Variants in PTPRD observed in about 807,000 individuals in gnomAD.
The protein encoded by PTPRD is protein tyrosine phosphatase receptor type D, also known as receptor-type tyrosine-protein phosphatase delta.
In PTPRD, 34 loss-of-function variants were observed where a neutral mutation model predicts 214.5. The ratio of observed to expected loss-of-function variants is 0.16; its 90% CI spans 0.12 to 0.21. The LOEUF (loss-of-function observed/expected upper bound fraction) is 0.21. PTPRD is among the 10% of genes least tolerant of loss of function. PTPRD has a pLI of 1.00. For missense variants in PTPRD, 2,545 were observed against 2,398.7 expected (o/e 1.06, Z -1.27); for synonymous variants, 1,128 against 845.7 (o/e 1.33, Z -5.79).
intron 10 of PTPRD, among the ~76,000 whole-genome samples, chr9:9,134,806 C>CGTGTGTGTGTGTGTGTGT (rs142357379): frequency 2.2e-4 from 33 of 150,674 alleles, no homozygotes; most frequent in African/African-American, 6.3e-4. Flanking sequence ...ATTTGGAGTG[C>CGTGTGTGTGTGTGTGTGT]GTGTGTGTGT....
rs535819067 is a variant in PTPRD, at chr9:10,088,281, A to G, written c.-544-54491T>C. Reference sequence around the variant, plus strand: ...GAAATTTCTTCTTTACCTAAACACCATGGCTTTTCATAGGAAAATGTAATT... The same window carrying G: ...GAAATTTCTTCTTTACCTAAACACCGTGGCTTTTCATAGGAAAATGTAATT... On this transcript the variant is annotated intron_variant, in intron 3 of 45. Transcript: ENST00000381196. Among the ~76,000 whole-genome samples the G allele has an allele frequency of 1.3e-4, 20 of 151,888 alleles. No individual in the cohort carries two copies. The South Asian group carries it at 2.9e-3, about 22-fold the overall frequency.
At chr9:9,468,876 A>T (rs1555445206) in intron 8 of PTPRD, among the ~76,000 whole-genome samples, 1 of 152,116 alleles carries the variant, frequency 6.6e-6, no homozygotes, top group Non-Finnish European at 1.5e-5. Context: ...TAAACCTATG[A>T]TTTTTAATCA....
intron 11 of PTPRD, among the ~76,000 whole-genome samples, chr9:8,788,771 C>G (rs534463004): frequency 6.6e-6 from 1 of 152,056 alleles, no homozygotes; most frequent in South Asian, 2.1e-4. Flanking sequence ...TGCTTCCAAC[C>G]CACTTCCGAA....
intron 7 of PTPRD, among the ~76,000 whole-genome samples, chr9:9,651,551 A>T (rs183531150): frequency 6.6e-6 from 1 of 152,116 alleles, no homozygotes; most frequent in South Asian, 2.1e-4. Context: ...AGCTCCATCC[A>T]TGTCCTGCAA....
At chr9:9,935,789 A>C (rs2089091752) in intron 5 of PTPRD, among the ~76,000 whole-genome samples, 1 of 149,578 alleles carries the variant, frequency 6.7e-6, no homozygotes. Flanking sequence ...AAGCCAAAAG[A>C]ACAAAGCTGG....
chr9:10,040,106 G>A (rs2097268183), intron 3 of PTPRD, among the ~76,000 whole-genome samples: 1 of 152,026 alleles, frequency 6.6e-6, no homozygotes. Flanking sequence ...AGCAAAATCA[G>A]TGTTTGGTAG....
At chr9:8,860,977 A>G (rs904778817) in intron 11 of PTPRD, 1 of 152,162 alleles carries the variant, frequency 6.6e-6, no homozygotes, top group East Asian at 1.9e-4. Context: ...TAAAACTCCA[A>G]ATACTTTTAT....
chr9:8,928,261 T>C (rs1451977994), intron 11 of PTPRD, among the ~76,000 whole-genome samples: 1 of 152,288 alleles, frequency 6.6e-6, no homozygotes, highest in Middle Eastern at 3.4e-3. Flanking sequence ...GATATTTTAG[T>C]CATGAAGTCT....
chr9:8,630,773 C>G (rs2096228670), intron 14 of PTPRD, among the ~76,000 whole-genome samples: 1 of 151,814 alleles, frequency 6.6e-6, no homozygotes, highest in South Asian at 2.1e-4. Flanking sequence ...GATGATGAAA[C>G]TCCAGCCAAC....
At chr9:9,976,027 A>G (rs948584973) in intron 4 of PTPRD, among the ~76,000 whole-genome samples, 5 of 152,174 alleles carry the variant, frequency 3.3e-5, no homozygotes, top group African/African-American at 1.2e-4. Context: ...CTAGAACACC[A>G]GTCTTCAAAT....
At chr9:9,119,828 T>A (rs1041956143) in intron 10 of PTPRD, among the ~76,000 whole-genome samples, 3 of 150,622 alleles carry the variant, frequency 2.0e-5, no homozygotes, top group Non-Finnish European at 4.4e-5. Flanking sequence ...CTTGCCAGAT[T>A]CTGTGATTTT....
At chr9:9,528,230 C>T (rs2074606222) in intron 8 of PTPRD, among the ~76,000 whole-genome samples, 1 of 152,114 alleles carries the variant, frequency 6.6e-6, no homozygotes, top group African/African-American at 2.4e-5. Flanking sequence ...TCTGTGTATT[C>T]ATGAGAGAAA....
intron 9 of PTPRD, among the ~76,000 whole-genome samples, chr9:9,330,611 A>G (rs1186609869): frequency 6.6e-6 from 1 of 152,070 alleles, no homozygotes; most frequent in Admixed American, 6.6e-5. Flanking sequence ...TAAATGTATG[A>G]TGATGCTATT....
chr9:9,482,096 G>A (rs908769100), intron 8 of PTPRD, among the ~76,000 whole-genome samples: 1 of 152,044 alleles, frequency 6.6e-6, no homozygotes, highest in African/African-American at 2.4e-5. Flanking sequence ...TCCCCGAGAA[G>A]ACAGGTAAGG....
intron 2 of PTPRD, among the ~76,000 whole-genome samples, chr9:10,567,360 A>G (rs1455664762): frequency 6.6e-6 from 1 of 150,936 alleles, no homozygotes; most frequent in African/African-American, 2.4e-5. Context: ...GACTATTATT[A>G]GGTAAATACT....
At chr9:10,263,072 T>C (rs2093803006) in intron 3 of PTPRD, among the ~76,000 whole-genome samples, 1 of 152,122 alleles carries the variant, frequency 6.6e-6, no homozygotes, top group South Asian at 2.1e-4. Flanking sequence ...CTTCCACCAT[T>C]ATTGTGAGGC....
intron 8 of PTPRD, among the ~76,000 whole-genome samples, chr9:9,550,312 A>G (rs591074): frequency 0.39 from 58,638 of 150,904 alleles, 11,806 homozygotes; most frequent in African/African-American, 0.43. Context: ...AATCACATAA[A>G]CCAATTTCTT....
chr9:9,032,630 A>G (rs324460), intron 10 of PTPRD, among the ~76,000 whole-genome samples: 147,401 of 152,038 alleles, frequency 0.97, 71,606 homozygotes, highest in Middle Eastern at 1. Flanking sequence ...AAAAAAAAAT[A>G]TGATTAAAAG....
At chr9:8,331,874 A>T (rs1238160178) in intron 43 of PTPRD, 138 bp from the exon 44 acceptor site, 1 of 998,352 alleles carries the variant, frequency 1.0e-6, no homozygotes, top group East Asian at 2.8e-5. Flanking sequence ...GTTTAAATAG[A>T]AACTTAGTTA....
Sources: allele counts gnomAD v4.1 joint callset (sites outside exome capture counted in the v4.1 genomes callset), GRCh38; gene constraint gnomAD v4.1.1; transcripts MANE v1.5; gene names NCBI Gene and HGNC (gene_info 2026-07-23, HGNC 2026-07-21).